Variants in RNF150 observed in about 807,000 individuals in gnomAD.
RNF150 encodes the protein ring finger protein 150.
RNF150 carries 24 observed loss-of-function variants against 39.3 expected under a neutral mutation model. That is an observed-to-expected ratio of 0.61 (90% CI 0.44 to 0.86). The LOEUF (loss-of-function observed/expected upper bound fraction) is 0.86, where lower values mean the gene tolerates loss of function less well. RNF150 is among the 40% of genes least tolerant of loss of function. The pLI, the probability that RNF150 is intolerant of heterozygous loss-of-function variation, is 0.00. For missense variants in RNF150, 502 were observed against 587.8 expected (o/e 0.85, Z 1.51); for synonymous variants, 255 against 227.3 (o/e 1.12, Z -1.10).
chr4:141,195,491 T>G (rs942950203), intron 1 of RNF150, among the ~76,000 whole-genome samples: 3 of 152,192 alleles, frequency 2.0e-5, no homozygotes, highest in Non-Finnish European at 2.9e-5. Flanking sequence ...TCCATTCAAG[T>G]TGAACCTTGA....
intron 6 of RNF150, among the ~76,000 whole-genome samples, chr4:140,892,983 G>T (rs1210035337): frequency 1.3e-5 from 2 of 152,072 alleles, no homozygotes; most frequent in African/African-American, 4.8e-5. Flanking sequence ...TAAGAGGATT[G>T]CTTGAGCCAA....
At chr4:141,090,111 T>C (rs1416518877) in intron 1 of RNF150, among the ~76,000 whole-genome samples, 1 of 152,212 alleles carries the variant, frequency 6.6e-6, no homozygotes, top group African/African-American at 2.4e-5. Flanking sequence ...AATGTTAACA[T>C]GTGACTTCTT....
chr4:141,000,017 G>GAAAAGAAGAAAAGAAGAA (rs1560679011), intron 1 of RNF150, among the ~76,000 whole-genome samples: 9 of 33,558 alleles, frequency 2.7e-4, no homozygotes, highest in Non-Finnish European at 3.5e-4. Flanking sequence ...AGAAGAAGAA[G>GAAAAGAAGAAAAGAAGAA]AAGAAGAAGA....
At chr4:141,066,766 G>A (rs1322618720) in intron 1 of RNF150, among the ~76,000 whole-genome samples, 2 of 152,150 alleles carry the variant, frequency 1.3e-5, no homozygotes, top group Non-Finnish European at 2.9e-5. Flanking sequence ...AATATGTACT[G>A]AAAATATACC....
At chr4:141,149,672 C>A (rs921811289) in intron 1 of RNF150, among the ~76,000 whole-genome samples, 5 of 152,282 alleles carry the variant, frequency 3.3e-5, no homozygotes, top group Admixed American at 3.3e-4. Context: ...ATATTTTTTG[C>A]AATTGCAGTT....
chr4:141,039,988 C>T (rs797007306), intron 1 of RNF150, among the ~76,000 whole-genome samples: 32 of 152,236 alleles, frequency 2.1e-4, no homozygotes, highest in African/African-American at 7.2e-4. Context: ...TAGAGAAACC[C>T]TAGAAAATGA....
intron 5 of RNF150, among the ~76,000 whole-genome samples, chr4:140,924,858 G>C (rs1048936869): frequency 6.6e-6 from 1 of 152,192 alleles, no homozygotes; most frequent in Admixed American, 6.5e-5. Context: ...TCATACAGCA[G>C]GCATGGAGGC....
intron 6 of RNF150, among the ~76,000 whole-genome samples, chr4:140,892,698 G>A (rs149516713): frequency 4.8e-4 from 66 of 136,606 alleles, no homozygotes; most frequent in Non-Finnish European, 7.8e-4. Context: ...GAGGGATGTC[G>A]GCGACTTCTT....
rs181526730 is a variant in RNF150, at chr4:141,062,763, A to G, written c.484+69562T>C. ...TATTATGCTGAGATTTGGGGTATGA[A>G]TGATCCTGTCACCCAGGCAATGAGC... is the stretch of plus-strand genomic sequence containing the variant. On this transcript the variant is annotated intron_variant, in intron 1 of 6. Transcript: ENST00000515673. Among the ~76,000 whole-genome samples the G allele has an allele frequency of 1.8e-3, 268 of 152,234 alleles. 4 individuals are homozygous for G. Among genetic ancestry groups the G allele is most frequent in the Admixed American group, 0.015 (236 of 15,290 alleles).
rs1478083580 is a variant in RNF150, at chr4:140,885,272, C to T, written c.1199-16893G>A. On this transcript the variant is annotated intron_variant, in intron 6 of 6. Coordinates refer to ENST00000515673, the MANE Select transcript of RNF150 (RefSeq NM_020724.2). ...CTGGAGTGCAGTGGTGTGACCTCAGCTCACTGCAACCTCTGCCTCCCAGGT... is the reference window on the plus strand; with the variant it reads ...CTGGAGTGCAGTGGTGTGACCTCAGTTCACTGCAACCTCTGCCTCCCAGGT... Among the ~76,000 whole-genome samples, 28 of 147,380 alleles carry T rather than the reference C, an allele frequency of 1.9e-4. No individual in the cohort carries two copies. In the Admixed American group the frequency reaches 1.9e-3, roughly 10 times the overall value.
chr4:140,954,521 T>C (rs1321403872), intron 2 of RNF150, among the ~76,000 whole-genome samples: 1 of 152,190 alleles, frequency 6.6e-6, no homozygotes. Context: ...TCATGCTTCT[T>C]ACTAAAGCTT....
At chr4:141,030,689 A>G (rs921733183) in intron 1 of RNF150, among the ~76,000 whole-genome samples, 2 of 152,220 alleles carry the variant, frequency 1.3e-5, no homozygotes, top group African/African-American at 4.8e-5. Context: ...TCTTCAGATT[A>G]TACTAAATAA....
At chr4:140,992,458 C>A (rs927286126) in intron 1 of RNF150, among the ~76,000 whole-genome samples, 1 of 152,088 alleles carries the variant, frequency 6.6e-6, no homozygotes, top group African/African-American at 2.4e-5. Flanking sequence ...GAATGTTGAA[C>A]AGTACTGCTT....
intron 6 of RNF150, among the ~76,000 whole-genome samples, chr4:140,883,271 A>G (rs540898039): frequency 7.9e-5 from 12 of 152,268 alleles, no homozygotes; most frequent in African/African-American, 2.6e-4. Flanking sequence ...TAAATTCTAT[A>G]CCAGAATTAA....
At chr4:141,125,482 A>G (rs1179838928) in intron 1 of RNF150, among the ~76,000 whole-genome samples, 2 of 152,208 alleles carry the variant, frequency 1.3e-5, no homozygotes, top group East Asian at 3.8e-4. Flanking sequence ...TCTCAGCAAC[A>G]AGTAAAATGC....
intron 1 of RNF150, among the ~76,000 whole-genome samples, chr4:141,175,879 T>C (rs1727800638): frequency 6.6e-6 from 1 of 152,002 alleles, no homozygotes; most frequent in Admixed American, 6.6e-5. Context: ...CAAGCTCTCT[T>C]GTAACTCTAT....
chr4:140,868,560 C>T (rs917390592), intron 6 of RNF150, among the ~76,000 whole-genome samples, 181 bp from the exon 7 acceptor site: 4 of 152,060 alleles, frequency 2.6e-5, no homozygotes, highest in Non-Finnish European at 5.9e-5. Flanking sequence ...AAGTTAAATG[C>T]AAACAAAAGA....
At chr4:140,943,182 T>C (rs1329908277) in intron 4 of RNF150, among the ~76,000 whole-genome samples, 4 of 152,162 alleles carry the variant, frequency 2.6e-5, no homozygotes, top group African/African-American at 7.2e-5. Flanking sequence ...TAGAGCTTGA[T>C]CAACTTCTGT....
At chr4:141,095,319 G>C (rs1004799356) in intron 1 of RNF150, among the ~76,000 whole-genome samples, 4 of 152,224 alleles carry the variant, frequency 2.6e-5, no homozygotes, top group African/African-American at 9.6e-5. Flanking sequence ...AGAAGACCGG[G>C]GCAGGCAATA....
Sources: allele counts gnomAD v4.1 joint callset (sites outside exome capture counted in the v4.1 genomes callset), GRCh38; gene constraint gnomAD v4.1.1; transcripts MANE v1.5; gene names NCBI Gene and HGNC (gene_info 2026-07-23, HGNC 2026-07-21).